Variants in USP37 observed in about 807,000 individuals in gnomAD.
The protein encoded by USP37 is ubiquitin specific peptidase 37.
USP37 carries 27 observed loss-of-function variants against 124.0 expected under a neutral mutation model. The observed-to-expected ratio is 0.22, with a 90% confidence interval of 0.16 to 0.30. USP37 has a LOEUF of 0.30. Ranked by LOEUF, USP37 falls within the 10% of genes least tolerant of loss-of-function variation. The pLI is 1.00. For missense variants in USP37, 889 were observed against 1,140.4 expected, an observed-to-expected ratio of 0.78 and a Z score of 3.17; for synonymous variants, 365 against 388.0, an observed-to-expected ratio of 0.94 and a Z score of 0.70.
At chr2:218,461,080 C>T (rs192711371) in intron 22 of USP37, among the ~76,000 whole-genome samples, 1 of 152,308 alleles carries the variant, frequency 6.6e-6, no homozygotes, top group Non-Finnish European at 1.5e-5. Context: ...TACGTGTCCA[C>T]TGGAAGCATC....
intron 10 of USP37, among the ~76,000 whole-genome samples, chr2:218,513,423 A>G (rs186292827): frequency 6.6e-6 from 1 of 152,338 alleles, no homozygotes; most frequent in Admixed American, 6.5e-5. Context: ...TAAAATGCAC[A>G]CATTTAAAGT....
chr2:218,530,311 G>A lies in USP37; in HGVS notation c.779-271C>T, dbSNP rs762572492. On this transcript the variant is annotated intron_variant, in intron 9 of 25. Coordinates refer to ENST00000258399, the MANE Select transcript of USP37 (RefSeq NM_020935.3). Reference sequence around the variant, plus strand: ...GCCATTTTCCCAACAGTATACGCTCGCTCACTTCATGTCTATGTCACATTT... The same window carrying A: ...GCCATTTTCCCAACAGTATACGCTCACTCACTTCATGTCTATGTCACATTT... 9.2e-5 allele frequency among the ~76,000 whole-genome samples: 14 copies of A among 151,894 alleles called. 1 individual carries two copies. Among genetic ancestry groups the A allele is most frequent in the Admixed American group, 9.2e-4 (14 of 15,234 alleles).
intron 20 of USP37, among the ~76,000 whole-genome samples, chr2:218,466,695 T>C (rs1231927599): frequency 2.6e-5 from 4 of 152,118 alleles, no homozygotes; most frequent in African/African-American, 9.7e-5. Flanking sequence ...AAGTAAGAAT[T>C]AGGCCAAAAT....
rs767908432 is a variant in USP37 at position 218,479,671 on chromosome 2, G to T, written c.1880C>A (p.Thr627Asn). ...TCACTTTGAAGGTGTAGAAGGGCTG[G>T]TGATGCAGGAATTCACCATTTGAGA... The part of the protein sequence containing the change: ...KASQMVNSCI[T>N]SPSTPSKKFT... The change falls in exon 18 of 26, where the codon ACC becomes AAC. Residue 627 changes from threonine (T) to asparagine (N), a missense_variant. Thr to Asn is a moderately conservative substitution (Grantham distance 65). Transcript: ENST00000258399. 9 of 1,612,460 alleles carry T rather than the reference G, an allele frequency of 5.6e-6. No homozygotes were observed. In the South Asian group the frequency reaches 8.8e-5, roughly 16 times the overall value.
At chr2:218,500,175 A>C (rs1371624603) in intron 11 of USP37, among the ~76,000 whole-genome samples, 2 of 152,156 alleles carry the variant, frequency 1.3e-5, no homozygotes, top group Non-Finnish European at 2.9e-5. Context: ...CCCGGGTTCA[A>C]GCAAGTCTCA....
chr2:218,552,815 T>G (rs979379581), intron 5 of USP37, among the ~76,000 whole-genome samples: 1 of 152,126 alleles, frequency 6.6e-6, no homozygotes, highest in Non-Finnish European at 1.5e-5. Flanking sequence ...ACAAGGTAAC[T>G]TTTCCCAACT....
intron 21 of USP37, among the ~76,000 whole-genome samples, chr2:218,464,772 T>C (rs1690217712): frequency 6.6e-6 from 1 of 152,172 alleles, no homozygotes; most frequent in East Asian, 1.9e-4. Flanking sequence ...CATTGAAGAA[T>C]AGGTTACTAC....
At position 218,479,673 on chromosome 2, in the gene USP37, G is replaced by A. The variant is rs148709448; in HGVS notation, c.1878C>T (p.Ile626=). Residue 626 remains isoleucine, a synonymous_variant, in exon 18 of 26, where the codon ATC becomes ATT. Coordinates refer to ENST00000258399, the MANE Select transcript of USP37 (RefSeq NM_020935.3). The part of the protein sequence containing the change: ...LKASQMVNSC[I]TSPSTPSKKF... ...ACTTTGAAGGTGTAGAAGGGCTGGT[G>A]ATGCAGGAATTCACCATTTGAGAGG... The A allele has an allele frequency of 1.9e-6, 3 of 1,612,368 alleles. No individual in the cohort carries two copies. The African/African-American group carries it at 4.0e-5, about 22-fold the overall frequency.
intron 6 of USP37, 65 bp downstream of exon 6, chr2:218,549,744 G>T (rs1386883423): frequency 6.0e-6 from 9 of 1,489,700 alleles, no homozygotes; most frequent in Non-Finnish European, 7.4e-6. Flanking sequence ...GATTACAGGC[G>T]TGAGCCACTG....
At chr2:218,556,161 T>C (rs1692960134) in intron 4 of USP37, among the ~76,000 whole-genome samples, 1 of 152,242 alleles carries the variant, frequency 6.6e-6, no homozygotes, top group African/African-American at 2.4e-5. Context: ...GGTTCCTACC[T>C]AGCTCTTCAG....
chr2:218,485,672 C>T lies in USP37; in HGVS notation c.1662G>A (p.Arg554=), dbSNP rs760306066. 1.9e-6 allele frequency: 3 copies of T among 1,574,538 alleles called. No homozygotes were observed. Among genetic ancestry groups the T allele is most frequent in the South Asian group, 2.4e-5 (2 of 83,044 alleles). ...AAAAAAAAAAAAATTACCTAGGAAGCCTGTTAAATTTGTGCCTGACAAGAG... is the reference window on the plus strand; with the variant it reads ...AAAAAAAAAAAAATTACCTAGGAAGTCTGTTAAATTTGTGCCTGACAAGAG... ...KCALVRHKFN[R]LPRVLILHLK... The change falls in exon 16 of 26, where the codon AGG becomes AGA. Residue 554 remains arginine, a synonymous_variant. Coordinates refer to ENST00000258399, the MANE Select transcript of USP37 (RefSeq NM_020935.3).
At chr2:218,566,843 T>C (rs1255198439) in intron 1 of USP37, among the ~76,000 whole-genome samples, 1 of 151,810 alleles carries the variant, frequency 6.6e-6, no homozygotes, top group Non-Finnish European at 1.5e-5. Context: ...TTGGAGAGAG[T>C]AGAAGTCAAG....
At chr2:218,488,271 T>C (rs764647728) in intron 15 of USP37, 33 bp downstream of exon 15, 4 of 1,378,640 alleles carry the variant, frequency 2.9e-6, no homozygotes, top group East Asian at 2.3e-5. Flanking sequence ...ATATAAAATT[T>C]AGTTATGTGA....
At chr2:218,473,797 GT>G (rs1690817068) in intron 20 of USP37, among the ~76,000 whole-genome samples, 1 of 152,202 alleles carries the variant, frequency 6.6e-6, no homozygotes, top group South Asian at 2.1e-4. Flanking sequence ...ACAGTCATGT[GT>G]TGCTTAATGA....
chr2:218,551,513 C>G (rs1439565544), intron 5 of USP37, among the ~76,000 whole-genome samples: 2 of 152,222 alleles, frequency 1.3e-5, no homozygotes, highest in African/African-American at 4.8e-5. Context: ...AAGTGACTTA[C>G]CTAAAACCAC....
chr2:218,458,208 G>A (rs1418751834), intron 23 of USP37, among the ~76,000 whole-genome samples: 1 of 134,132 alleles, frequency 7.5e-6, no homozygotes, highest in Non-Finnish European at 1.6e-5. Flanking sequence ...TGAGCCAAGA[G>A]CACACGCCAC....
chr2:218,555,690 C>T (rs1268745906), intron 4 of USP37, among the ~76,000 whole-genome samples: 1 of 152,128 alleles, frequency 6.6e-6, no homozygotes, highest in Non-Finnish European at 1.5e-5. Context: ...CATATGGTAA[C>T]GACACACAAC....
intron 17 of USP37, among the ~76,000 whole-genome samples, chr2:218,481,302 T>C (rs547641613): frequency 2.0e-5 from 3 of 152,330 alleles, no homozygotes; most frequent in East Asian, 1.9e-4. Context: ...AGGCATAACA[T>C]TGAGTATAGG....
rs772523642 is a variant in USP37, at chr2:218,457,179, G to A, written c.2644-18C>T. The A allele has an allele frequency of 2.5e-6, 4 of 1,610,274 alleles. No individual in the cohort carries two copies. Among genetic ancestry groups the A allele is most frequent in the Admixed American group, 1.7e-5 (1 of 59,468 alleles). ...TTTCCTGTCTGGAAAACAGAAGTGGGTATAACTTTTAAGTCTTCATTTGAA... is the reference window on the plus strand; with the variant it reads ...TTTCCTGTCTGGAAAACAGAAGTGGATATAACTTTTAAGTCTTCATTTGAA... On this transcript the variant is annotated intron_variant, in intron 23 of 25. Transcript: ENST00000258399.
Sources: gnomAD v4.1 joint callset for allele counts (sites outside exome capture counted in the v4.1 genomes callset) on GRCh38, gnomAD v4.1.1 for gene constraint, MANE v1.5 for transcripts, NCBI Gene and HGNC (gene_info 2026-07-23, HGNC 2026-07-21) for gene names.